The following FBXL2 variants were observed in gnomAD, a reference collection of about 807,000 sequenced individuals.
The protein encoded by FBXL2 is F-box and leucine rich repeat protein 2.
FBXL2 carries 38 observed loss-of-function variants against 69.2 expected under a neutral mutation model. That is an observed-to-expected ratio of 0.55 (90% CI 0.42 to 0.72). The LOEUF is 0.72. Ranked by LOEUF, FBXL2 falls within the 30% of genes least tolerant of loss-of-function variation. The pLI is 0.00. For missense variants in FBXL2, 354 were observed against 520.3 expected, an observed-to-expected ratio of 0.68 and a Z score of 3.11; for synonymous variants, 192 against 201.3, an observed-to-expected ratio of 0.95 and a Z score of 0.39.
downstream of FBXL2, among the ~76,000 whole-genome samples, chr3:33,405,410 C>T (rs533464940): frequency 3.3e-5 from 5 of 152,244 alleles, no homozygotes; most frequent in African/African-American, 9.6e-5. Context: ...AAATTGTAAA[C>T]GCAAATCACC....
chr3:33,357,429 G>A lies in FBXL2; in HGVS notation c.66-1538G>A, dbSNP rs117369427. Among the ~76,000 whole-genome samples, 83 of 152,172 alleles carry A rather than the reference G, an allele frequency of 5.5e-4. 1 individual carries two copies. The East Asian group carries it at 0.013, about 24-fold the overall frequency. On this transcript the variant is annotated intron_variant, in intron 2 of 14. Transcript: ENST00000484457. ...AGGGGCAGGAGAGCCTTTGTGTTGG[G>A]CAAGGTAGATGTGTAGATATCCTAA...
At chr3:33,338,192 G>A (rs571451220) in intron 2 of FBXL2, among the ~76,000 whole-genome samples, 2 of 152,138 alleles carry the variant, frequency 1.3e-5, no homozygotes, top group East Asian at 3.9e-4. Context: ...CAGGTAGATC[G>A]CTTGCGATCA....
At chr3:33,377,994 A>C (rs916156440) in intron 11 of FBXL2, 109 bp from the exon 12 acceptor site, 2 of 1,041,442 alleles carry the variant, frequency 1.9e-6, no homozygotes, top group African/African-American at 1.6e-5. Flanking sequence ...ATACTTCTTA[A>C]CAGAAGAGAA....
rs768037972 is a variant in FBXL2 at position 33,332,770 on chromosome 3, G to A, written c.66-26197G>A. On this transcript the variant is annotated intron_variant, in intron 2 of 14. Transcript: ENST00000484457. Reference sequence around the variant, plus strand: ...TGAATACTATAAGTGATTGTAACACGGTGGTATTTGTGTATAGAAAAGATA... The same window carrying A: ...TGAATACTATAAGTGATTGTAACACAGTGGTATTTGTGTATAGAAAAGATA... Among the ~76,000 whole-genome samples, 60 of 152,090 alleles carry A rather than the reference G, an allele frequency of 3.9e-4. 1 individual carries two copies. The highest frequency in any genetic ancestry group is 3.3e-3 in the Admixed American group (51 of 15,268).
At chr3:33,330,434 C>A (rs2039059004) in intron 2 of FBXL2, among the ~76,000 whole-genome samples, 1 of 151,866 alleles carries the variant, frequency 6.6e-6, no homozygotes, top group Non-Finnish European at 1.5e-5. Flanking sequence ...TTTTGATAGA[C>A]CAGTGGAGTG....
Position 33,375,339 on chromosome 3 carries a change from C to T in FBXL2, c.709C>T (p.Gln237Ter). 3.1e-6 allele frequency: 5 copies of T among 1,614,204 alleles called. No homozygotes were observed. Among genetic ancestry groups the T allele is most frequent in the East Asian group, 2.2e-5 (1 of 44,894 alleles). The change falls in exon 10 of 15, where the codon CAG becomes TAG. Residue 237 changes from glutamine (Q) to a stop codon, truncating the protein, a stop_gained. Coordinates refer to ENST00000484457, the MANE Select transcript of FBXL2 (RefSeq NM_012157.5). LOFTEE classifies it high-confidence loss of function. ...GATATGCAGGGGCTGTCACCGGCTACAGGCTCTCTGCCTTTCGGGTTGCAG... is the reference window on the plus strand; with the variant it reads ...GATATGCAGGGGCTGTCACCGGCTATAGGCTCTCTGCCTTTCGGGTTGCAG... ...VQICRGCHRL[Q>*]ALCLSGCSNL... is the part of the protein sequence containing the mutation.
chr3:33,302,816 C>A (rs2036402290), intron 2 of FBXL2, among the ~76,000 whole-genome samples: 3 of 152,144 alleles, frequency 2.0e-5, no homozygotes, highest in Admixed American at 6.5e-5. Flanking sequence ...ATCAAAGACA[C>A]AATTTCATAT....
chr3:33,294,843 CAAAA>C (rs372010327), intron 1 of FBXL2, among the ~76,000 whole-genome samples: 1 of 91,320 alleles, frequency 1.1e-5, no homozygotes. Flanking sequence ...ACCCTGTTTC[CAAAA>C]AAAAAAAAAA....
In FBXL2 at chr3:33,359,004, T is replaced by A; in HGVS notation, c.103T>A (p.Cys35Ser). Residue 35 changes from cysteine (C) to serine (S), a missense_variant, in exon 3 of 15, where the codon TGT becomes AGT. Transcript: ENST00000484457. ...CTTGGATATAGTAACTTTGTGCCGA[T>A]GTGCACAGATTTCCAAGGTAGAGTA... ...SFLDIVTLCR[C>S]AQISKAWNIL... The A allele has an allele frequency of 6.4e-7, 1 of 1,556,048 alleles. No individual in the cohort carries two copies. The highest frequency in any genetic ancestry group is 1.3e-5 in the South Asian group (1 of 79,426).
At position 33,364,767 on chromosome 3, in the gene FBXL2, C is replaced by A. The variant is rs746376716; in HGVS notation, c.290+48C>A. On this transcript the variant is annotated intron_variant, in intron 5 of 14. Transcript: ENST00000484457. ...CTGTCATGGCAGCTTGTAGCATTTT[C>A]ATCAGCAAAAATAAACCAAGCCTAT... The A allele has an allele frequency of 3.8e-5, 56 of 1,486,060 alleles. No homozygotes were observed. The South Asian group carries it at 6.2e-4, about 16-fold the overall frequency. 92.1% of individuals were successfully genotyped at this position (1,486,060 alleles called of 1,614,324 possible). A position where few individuals can be genotyped will look rare whatever the true frequency, so the allele number is the denominator to read the frequency against.
the FBXL2 span, among the ~76,000 whole-genome samples, chr3:33,410,252 G>A: frequency 6.6e-6 from 1 of 152,262 alleles, no homozygotes; most frequent in South Asian, 2.1e-4. Context: ...CAGCCTTAGG[G>A]TTTCACACAG....
At chr3:33,367,834 T>C (rs2042051423) in intron 5 of FBXL2, among the ~76,000 whole-genome samples, 1 of 152,198 alleles carries the variant, frequency 6.6e-6, no homozygotes, top group Non-Finnish European at 1.5e-5. Context: ...CCTTTTTTTC[T>C]AGTATGGGAG....
chr3:33,324,340 G>C (rs1217772541), intron 2 of FBXL2, among the ~76,000 whole-genome samples: 2 of 151,894 alleles, frequency 1.3e-5, no homozygotes, highest in Non-Finnish European at 2.9e-5. Flanking sequence ...GCTTTTGTTG[G>C]CATTGCTTTT....
chr3:33,408,103 T>C (rs930105721), downstream of FBXL2, among the ~76,000 whole-genome samples: 5 of 152,006 alleles, frequency 3.3e-5, no homozygotes, highest in African/African-American at 1.2e-4. Flanking sequence ...AGAAGAAACA[T>C]GAATCCCATC....
chr3:33,304,974 C>T (rs2036589624), intron 2 of FBXL2, among the ~76,000 whole-genome samples: 1 of 151,868 alleles, frequency 6.6e-6, no homozygotes, highest in South Asian at 2.1e-4. Context: ...TGTTTTTGGC[C>T]TATTTGGTTA....
At chr3:33,347,433 A>C (rs890318228) in intron 2 of FBXL2, among the ~76,000 whole-genome samples, 1 of 152,174 alleles carries the variant, frequency 6.6e-6, no homozygotes, top group East Asian at 1.9e-4. Flanking sequence ...ATGGACACTT[A>C]AGTTGCTTCC....
chr3:33,342,708 C>CTT (rs1559572672), intron 2 of FBXL2, among the ~76,000 whole-genome samples: 4 of 74,304 alleles, frequency 5.4e-5, no homozygotes, highest in African/African-American at 2.1e-4. Context: ...ACAAATATAA[C>CTT]TTCTTTTTTT....
chr3:33,352,359 TAGA>T (rs578029237), intron 2 of FBXL2, among the ~76,000 whole-genome samples: 23 of 152,290 alleles, frequency 1.5e-4, no homozygotes, highest in South Asian at 4.1e-4. Flanking sequence ...ACAAAATTTC[TAGA>T]AGAAGTGTAG....
chr3:33,348,225 T>C (rs753907733), intron 2 of FBXL2, among the ~76,000 whole-genome samples: 8 of 152,152 alleles, frequency 5.3e-5, no homozygotes, highest in Non-Finnish European at 1.0e-4. Context: ...GGGGTCTAGT[T>C]TCATTCTTCT....
Sources: allele counts gnomAD v4.1 joint callset (sites outside exome capture counted in the v4.1 genomes callset), GRCh38; gene constraint gnomAD v4.1.1; transcripts MANE v1.5; gene names NCBI Gene and HGNC (gene_info 2026-07-23, HGNC 2026-07-21).